The following WASHC5 variants were observed in gnomAD, a reference collection of about 807,000 sequenced individuals.
WASHC5 encodes WASH complex subunit strumpellin.
A neutral mutation model predicts 150.4 loss-of-function variants in WASHC5; 101 were observed. The observed-to-expected ratio is 0.67, with a 90% CI of 0.57 to 0.79. The LOEUF is 0.79. Ranked by LOEUF, WASHC5 falls within the 30% of genes least tolerant of loss-of-function variation. The pLI is 0.00. For missense variants in WASHC5, 1,195 were observed against 1,396.3 expected, an observed-to-expected ratio of 0.86 and a Z score of 2.30; for synonymous variants, 467 against 491.2, an observed-to-expected ratio of 0.95 and a Z score of 0.65.
chr8:125,053,695 A>AT (rs1816316170), intron 17 of WASHC5, among the ~76,000 whole-genome samples: 1 of 152,124 alleles, frequency 6.6e-6, no homozygotes, highest in African/African-American at 2.4e-5. Context: ...ATTTTCTTTG[A>AT]TTTTAATAAT....
At chr8:125,057,744 T>C (rs1816456155) in intron 14 of WASHC5, 78 bp from the exon 15 acceptor site, 2 of 916,272 alleles carry the variant, frequency 2.2e-6, no homozygotes, top group Middle Eastern at 2.3e-4. Context: ...AAATGTAACA[T>C]ACAACAAAAC....
intron 27 of WASHC5, 80 bp downstream of exon 27, chr8:125,032,161 T>A (rs1815559747): frequency 6.7e-7 from 1 of 1,484,240 alleles, no homozygotes. Flanking sequence ...ATTAGGGCGA[T>A]AAGAGGAATT....
At chr8:125,053,006 T>C (rs1302406222) in intron 17 of WASHC5, among the ~76,000 whole-genome samples, 2 of 152,150 alleles carry the variant, frequency 1.3e-5, no homozygotes, top group Non-Finnish European at 2.9e-5. Flanking sequence ...AAGTATTGAA[T>C]ATCTCATGTA....
chr8:125,033,205 T>C (rs117038202), intron 26 of WASHC5, among the ~76,000 whole-genome samples: 136 of 152,270 alleles, frequency 8.9e-4, no homozygotes, highest in Non-Finnish European at 1.5e-3. Flanking sequence ...AAGGTTTAGG[T>C]TGCCTGATTT....
intron 20 of WASHC5, among the ~76,000 whole-genome samples, chr8:125,045,891 T>C (rs939616978): frequency 1.3e-5 from 2 of 152,188 alleles, no homozygotes; most frequent in Admixed American, 6.5e-5. Context: ...ACTGGGTGGA[T>C]AGTTTTCTAA....
intron 17 of WASHC5, among the ~76,000 whole-genome samples, chr8:125,052,781 T>C (rs1816283664): frequency 6.6e-6 from 1 of 152,210 alleles, no homozygotes; most frequent in African/African-American, 2.4e-5. Flanking sequence ...CTACTGATGA[T>C]GGATGTTTAG....
chr8:125,044,109 G>C lies in WASHC5; in HGVS notation c.2668-15C>G. On this transcript the variant is annotated splice_polypyrimidine_tract_variant and intron_variant, in intron 21 of 28. Transcript: ENST00000318410. ...CTGAGGAAATTCTAAAAACAAGAAGGCACGGTCAAAGAACCAAACATAATG... is the reference window on the plus strand; with the variant it reads ...CTGAGGAAATTCTAAAAACAAGAAGCCACGGTCAAAGAACCAAACATAATG... The C allele has an allele frequency of 6.6e-7, 1 of 1,525,134 alleles. No individual in the cohort carries two copies. Among genetic ancestry groups the C allele is most frequent in the Admixed American group, 1.7e-5 (1 of 59,806 alleles). 94.5% of individuals were successfully genotyped at this position (1,525,134 alleles called of 1,614,324 possible).
At chr8:125,055,751 T>C (rs1313332164) in intron 16 of WASHC5, 80 bp from the exon 17 acceptor site, 12 of 901,954 alleles carry the variant, frequency 1.3e-5, no homozygotes, top group Non-Finnish European at 2.2e-5. Context: ...AAAGAACTTG[T>C]AGCTTTAGGA....
In WASHC5 at chr8:125,057,640, A is replaced by AAGGGGC; in HGVS notation, c.1785_1790dup (p.Pro596_Leu597dup). 1 of 1,613,768 alleles carries AAGGGGC rather than the reference A, an allele frequency of 6.2e-7. No individual in the cohort carries two copies. The highest frequency in any genetic ancestry group is 1.1e-5 in the South Asian group (1 of 91,006). On this transcript the variant is annotated inframe_insertion, in exon 15 of 29. Transcript: ENST00000318410. ...GGCTATTTGCCTGATTAATACGAAG[A>AAGGGGC]AGGGGCAGATCGAGGGCAGAGGCAA...
Position 125,063,027 on chromosome 8 carries a change from A to G in WASHC5, c.1408+495T>C, listed in dbSNP as rs374549171. Among the ~76,000 whole-genome samples, 50 of 152,282 alleles carry G rather than the reference A, an allele frequency of 3.3e-4. 1 individual carries two copies. The South Asian group carries it at 9.7e-3, about 30-fold the overall frequency. The stretch of plus-strand genomic sequence containing the variant: ...GTACCCTCTTCTGCTACTAGATAGC[A>G]GGTGCATTCGTGAACAAGAATCAAG... On this transcript the variant is annotated intron_variant, in intron 11 of 28. Coordinates refer to ENST00000318410, the MANE Select transcript of WASHC5 (RefSeq NM_014846.4).
intron 1 of WASHC5, 107 bp from the exon 2 acceptor site, chr8:125,084,129 A>C (rs772906475): frequency 7.1e-5 from 37 of 523,456 alleles, no homozygotes; most frequent in Non-Finnish European, 1.3e-4. Flanking sequence ...ATTTTAAGAA[A>C]TAATGAGTTC....
rs1817136853 is a variant in WASHC5, at chr8:125,078,757, G to C, written c.692C>G (p.Ser231Cys). 1.2e-6 allele frequency: 2 copies of C among 1,613,452 alleles called. No homozygotes were observed. Among genetic ancestry groups the C allele is most frequent in the South Asian group, 2.2e-5 (2 of 91,080 alleles). ...FISMVIGRLR[S>C]DDIYNQVSAY... is the part of the protein sequence containing the mutation. ...TCCCACCTGGTTGTAAATATCATCA[G>C]ATCTCAGTCGACCAATGACCATACT... Residue 231 changes from serine (S) to cysteine (C), a missense_variant, in exon 6 of 29, where the codon TCT (serine) becomes TGT (cysteine). Physicochemically the swap from Ser to Cys is moderately radical, Grantham distance 112 (BLOSUM62 -1). Transcript: ENST00000318410.
At position 125,073,169 on chromosome 8, in the gene WASHC5, A is replaced by G; in HGVS notation, c.1134T>C (p.Leu378=). The G allele has an allele frequency of 6.2e-7, 1 of 1,614,116 alleles. No individual in the cohort carries two copies. The highest frequency in any genetic ancestry group is 1.1e-5 in the South Asian group (1 of 91,084). The change falls in exon 9 of 29, where the codon CTT becomes CTC. Residue 378 remains leucine (L), a synonymous_variant. Coordinates refer to ENST00000318410, the MANE Select transcript of WASHC5 (RefSeq NM_014846.4). ...GTGCATTACCTGAGTCTGCTGTATG[A>G]AGCATCAGCCATCGGATGGCAACAT... ...DCNVAIRWLM[L]HTADSACDPN...
At chr8:125,063,705 C>T in intron 10 of WASHC5, 54 bp from the exon 11 acceptor site, 3 of 1,561,526 alleles carry the variant, frequency 1.9e-6, no homozygotes, top group Non-Finnish European at 2.6e-6. Flanking sequence ...CCAGACTAGG[C>T]AGCTTATGAA....
chr8:125,071,735 G>A (rs767799571), intron 9 of WASHC5, among the ~76,000 whole-genome samples: 2 of 152,078 alleles, frequency 1.3e-5, no homozygotes, highest in East Asian at 1.9e-4. Flanking sequence ...TTAGTTTCCC[G>A]CTGCTGCTTT....
intron 28 of WASHC5, 102 bp downstream of exon 28, chr8:125,028,518 C>T (rs1815436035): frequency 2.5e-6 from 2 of 792,170 alleles, no homozygotes; most frequent in Non-Finnish European, 4.4e-6. Context: ...GAGGCATCTA[C>T]TGTGAACGAC....
chr8:125,068,131 AACGG>A (rs1315009402), intron 9 of WASHC5, among the ~76,000 whole-genome samples: 1 of 152,216 alleles, frequency 6.6e-6, no homozygotes, highest in African/African-American at 2.4e-5. Context: ...GCCATTCAGT[AACGG>A]ACTGCTATCC....
At chr8:125,087,660 G>A (rs900896134) in intron 1 of WASHC5, among the ~76,000 whole-genome samples, 2 of 151,374 alleles carry the variant, frequency 1.3e-5, no homozygotes, top group African/African-American at 4.9e-5. Flanking sequence ...TTGAGCCCTG[G>A]AGGTTGAGGC....
chr8:125,059,283 A>G lies in WASHC5; in HGVS notation c.1703T>C (p.Met568Thr). 6.2e-7 allele frequency: 1 copy of G among 1,614,096 alleles called. No individual in the cohort carries two copies. Among genetic ancestry groups the G allele is most frequent in the South Asian group, 1.1e-5 (1 of 91,082 alleles). The change falls in exon 14 of 29, where the codon ATG (methionine) becomes ACG (threonine). Residue 568 changes from methionine (M) to threonine (T), a missense_variant. Physicochemically the swap from Met to Thr is moderately conservative, Grantham distance 81. Around this residue, in one of 3 missense-constraint regions of WASHC5, gnomAD observed 997 missense variants for 1,168.1 expected, o/e 0.85. Coordinates refer to ENST00000318410, the MANE Select transcript of WASHC5 (RefSeq NM_014846.4). ...TGGATTTACCCTTATGCTTTCTTGC[A>G]TGATGGATGTGAAACTGTAAAAAGA... ...WQLIDSFTSI[M>T]QESIRVNPSM... is the part of the protein sequence containing the mutation.
Sources: gnomAD v4.1 joint callset for allele counts (sites outside exome capture counted in the v4.1 genomes callset) on GRCh38, gnomAD v4.1.1 for gene constraint, gnomAD v4.1.1 regional missense constraint, MANE v1.5 for transcripts, NCBI Gene and HGNC (gene_info 2026-07-23, HGNC 2026-07-21) for gene names.